Variants in CTNNA2 observed in about 807,000 individuals in gnomAD.
CTNNA2 encodes the protein catenin alpha 2, also known as catenin alpha-2.
CTNNA2 carries 42 observed loss-of-function variants against 101.0 expected under a neutral mutation model. The observed-to-expected ratio is 0.42, with a 90% CI of 0.32 to 0.54. The LOEUF (loss-of-function observed/expected upper bound fraction) is 0.54. CTNNA2 is among the 20% of genes least tolerant of loss of function. The pLI, the probability that CTNNA2 is intolerant of heterozygous loss-of-function variation, is 0.14. For missense variants in CTNNA2, 871 were observed against 1,223.1 expected (o/e 0.71, Z 4.29); for synonymous variants, 450 against 456.4 (o/e 0.99, Z 0.18).
chr2:80,113,835 T>A (rs1701360276), intron 7 of CTNNA2, among the ~76,000 whole-genome samples: 1 of 152,218 alleles, frequency 6.6e-6, no homozygotes, highest in South Asian at 2.1e-4. Context: ...ATAAAAACAT[T>A]CATGGGATTC....
At chr2:80,127,479 A>G (rs1193643660) in intron 7 of CTNNA2, among the ~76,000 whole-genome samples, 1 of 152,126 alleles carries the variant, frequency 6.6e-6, no homozygotes, top group Non-Finnish European at 1.5e-5. Flanking sequence ...ATCTAACATG[A>G]CAGATGTGGA....
intron 2 of CTNNA2, among the ~76,000 whole-genome samples, chr2:79,213,611 AGAGT>A (rs1674205961): frequency 6.6e-6 from 1 of 152,154 alleles, no homozygotes; most frequent in Non-Finnish European, 1.5e-5. Context: ...AAATGTGATC[AGAGT>A]GAGGAACAGG....
chr2:80,161,131 C>G (rs938117926), intron 7 of CTNNA2, among the ~76,000 whole-genome samples: 1 of 152,060 alleles, frequency 6.6e-6, no homozygotes, highest in Non-Finnish European at 1.5e-5. Flanking sequence ...TGAAACCTCC[C>G]CGCCTCCTGG....
chr2:79,428,020 C>A (rs1407606833), intron 4 of CTNNA2, among the ~76,000 whole-genome samples: 3 of 152,096 alleles, frequency 2.0e-5, no homozygotes, highest in South Asian at 2.1e-4. Context: ...TAATGCCCTG[C>A]CTTTCTGGGG....
chr2:80,480,486 G>A (rs1686061605), intron 9 of CTNNA2, among the ~76,000 whole-genome samples: 1 of 152,000 alleles, frequency 6.6e-6, no homozygotes, highest in African/African-American at 2.4e-5. Flanking sequence ...TCATGGAGTA[G>A]GACTGGTAAG....
In CTNNA2 at chr2:79,239,089, G is replaced by C. The variant is rs1390366144; in HGVS notation, c.-406+41013G>C. 3.3e-5 allele frequency among the ~76,000 whole-genome samples: 5 copies of C among 151,964 alleles called. No homozygotes were observed. The South Asian group carries it at 6.2e-4, about 19-fold the overall frequency. ...CAGGTATTAAGCCCAGTGTGCATTAGCTATTATTTTAATGCTTTCCTTCCT... is the reference window on the plus strand; with the variant it reads ...CAGGTATTAAGCCCAGTGTGCATTACCTATTATTTTAATGCTTTCCTTCCT... On this transcript the variant is annotated intron_variant, in intron 2 of 21. Coordinates refer to the CTNNA2 transcript ENST00000466387.
chr2:79,369,061 T>G (rs975202856), intron 3 of CTNNA2, among the ~76,000 whole-genome samples: 1 of 152,068 alleles, frequency 6.6e-6, no homozygotes, highest in Non-Finnish European at 1.5e-5. Flanking sequence ...CTGGTGCTAA[T>G]TCACCCTGAC....
At chr2:80,523,148 C>A (rs1689718405) in intron 9 of CTNNA2, among the ~76,000 whole-genome samples, 2 of 152,066 alleles carry the variant, frequency 1.3e-5, no homozygotes, top group African/African-American at 4.8e-5. Context: ...GGTGCCATAC[C>A]TGTGTATTAG....
intron 9 of CTNNA2, among the ~76,000 whole-genome samples, chr2:80,434,267 T>A (rs1681817739): frequency 6.6e-6 from 1 of 152,202 alleles, no homozygotes; most frequent in South Asian, 2.1e-4. Flanking sequence ...AATTTTCTAC[T>A]TATCGCTTCT....
intron 9 of CTNNA2, among the ~76,000 whole-genome samples, chr2:80,429,253 G>T (rs1412674138): frequency 6.6e-6 from 1 of 151,860 alleles, no homozygotes; most frequent in Non-Finnish European, 1.5e-5. Flanking sequence ...ATAAAGCTAG[G>T]GTTTTAAAAT....
chr2:80,089,895 AG>A (rs1699678126), intron 7 of CTNNA2, among the ~76,000 whole-genome samples: 1 of 151,976 alleles, frequency 6.6e-6, no homozygotes, highest in Admixed American at 6.6e-5. Flanking sequence ...TCCAAGCTGG[AG>A]GACTTTCATT....
At chr2:80,060,874 G>T (rs1445467320) in intron 7 of CTNNA2, among the ~76,000 whole-genome samples, 1 of 152,196 alleles carries the variant, frequency 6.6e-6, no homozygotes, top group African/African-American at 2.4e-5. Context: ...GCCTTGGGTT[G>T]AAGGAAGCTG....
rs1157905716 is a variant in CTNNA2, at chr2:80,309,104, GAA to G, written c.1057-84100_1057-84099del. On this transcript the variant is annotated intron_variant, in intron 7 of 18. Transcript: ENST00000402739. Reference sequence around the variant, plus strand: ...ACTCTGTCTCAGAAAAAGGAAAAAAGAAAAAAAAGAGAGAGAGAGAGAGAAAG... The same window carrying G: ...ACTCTGTCTCAGAAAAAGGAAAAAAGAAAAAAGAGAGAGAGAGAGAGAAAG... Among the ~76,000 whole-genome samples, 75 of 150,422 alleles carry G rather than the reference GAA, an allele frequency of 5.0e-4. 1 individual carries two copies. Among genetic ancestry groups the G allele is most frequent in the African/African-American group, 1.7e-3 (68 of 40,978 alleles).
chr2:80,133,091 A>C (rs1702500346), intron 7 of CTNNA2, among the ~76,000 whole-genome samples: 1 of 152,162 alleles, frequency 6.6e-6, no homozygotes, highest in Admixed American at 6.5e-5. Flanking sequence ...TGCCCTTATA[A>C]GAAGAGGGAA....
chr2:79,620,564 C>A (rs570908034), intron 1 of CTNNA2, among the ~76,000 whole-genome samples: 1 of 152,278 alleles, frequency 6.6e-6, no homozygotes, highest in African/African-American at 2.4e-5. Flanking sequence ...AACAGGGTAC[C>A]TGAGTAGACA....
intron 4 of CTNNA2, among the ~76,000 whole-genome samples, chr2:79,463,493 G>A (rs1040171507): frequency 6.6e-6 from 1 of 151,892 alleles, no homozygotes; most frequent in African/African-American, 2.4e-5. Context: ...ATATTGTGAT[G>A]GCTTCTGTTT....
intron 7 of CTNNA2, among the ~76,000 whole-genome samples, chr2:80,179,086 T>A (rs1392386463): frequency 6.6e-6 from 1 of 152,226 alleles, no homozygotes; most frequent in Non-Finnish European, 1.5e-5. Flanking sequence ...AGAAGGTATA[T>A]TGCTGGTCTT....
chr2:79,938,494 G>C (rs988096352), intron 7 of CTNNA2, among the ~76,000 whole-genome samples: 1 of 152,208 alleles, frequency 6.6e-6, no homozygotes, highest in South Asian at 2.1e-4. Flanking sequence ...GGAGGGATTT[G>C]TAGCTGTCAG....
Position 80,617,607 on chromosome 2 carries a change from TCTTTA to T in CTNNA2, c.2431-1477_2431-1473del, listed in dbSNP as rs1698960296. ...ATTTACTTTAATTCTTTAAAGACAT[TCTTTA>T]AATGTCTCTAACATTTATTTTGAAG... On this transcript the variant is annotated intron_variant, in intron 17 of 18. Transcript: ENST00000402739. Among the ~76,000 whole-genome samples the T allele has an allele frequency of 2.0e-5, 3 of 151,734 alleles. No homozygotes were observed. In the South Asian group the frequency reaches 6.2e-4, roughly 31 times the overall value.
Sources: gnomAD v4.1 joint callset for allele counts (sites outside exome capture counted in the v4.1 genomes callset) on GRCh38, gnomAD v4.1.1 for gene constraint, MANE v1.5 for transcripts, NCBI Gene and HGNC (gene_info 2026-07-23, HGNC 2026-07-21) for gene names.